Variants in AGBL1 observed in about 807,000 individuals in gnomAD.
AGBL1 encodes the protein AGBL carboxypeptidase 1.
Under a neutral mutation model 118.9 loss-of-function variants are expected in AGBL1, and 130 were observed. The ratio of observed to expected loss-of-function variants is 1.09; its 90% confidence interval spans 0.95 to 1.26. The LOEUF (loss-of-function observed/expected upper bound fraction) is 1.26, where lower values mean the gene tolerates loss of function less well. Ranked by LOEUF, AGBL1 falls within the 50% of genes most tolerant of loss-of-function variation. The pLI, the probability that AGBL1 is intolerant of heterozygous loss-of-function variation, is 0.00. For synonymous variants in AGBL1, 555 were observed against 478.9 expected, an observed-to-expected ratio of 1.16 and a Z score of -2.08; for missense variants, 1,584 against 1,298.1, an observed-to-expected ratio of 1.22 and a Z score of -3.38.
chr15:86,294,693 A>AT lies in AGBL1; in HGVS notation c.2221-553dup, dbSNP rs200163690. ...CATGTTCTATTTTCATGATAACCAC[A>AT]TTTTTTTTTAATTTTAAGGAAGGCA... is the stretch of plus-strand genomic sequence containing the variant. On this transcript the variant is annotated intron_variant, in intron 16 of 22. Coordinates refer to ENST00000614907, the MANE Select transcript of AGBL1 (RefSeq NM_001386094.1). Among the ~76,000 whole-genome samples the AT allele has an allele frequency of 6.0e-3, 900 of 150,290 alleles. 5 individuals are homozygous for AT. The highest frequency in any genetic ancestry group is 0.019 in the African/African-American group (759 of 40,950).
At chr15:86,272,910 G>A (rs114047077) in intron 15 of AGBL1, among the ~76,000 whole-genome samples, 3,599 of 152,158 alleles carry the variant, frequency 0.024, 143 homozygotes, top group African/African-American at 0.083. Flanking sequence ...GACTCTTAGG[G>A]CCTTTCCTAC....
intron 21 of AGBL1, among the ~76,000 whole-genome samples, chr15:86,667,080 C>T (rs1196589115): frequency 6.6e-6 from 1 of 152,086 alleles, no homozygotes; most frequent in Admixed American, 6.6e-5. Context: ...ATGTTAACAT[C>T]TATACTAGCA....
intron 17 of AGBL1, among the ~76,000 whole-genome samples, chr15:86,395,813 A>G (rs2081352552): frequency 6.6e-6 from 1 of 152,126 alleles, no homozygotes; most frequent in Non-Finnish European, 1.5e-5. Context: ...AGTGATGATA[A>G]TAACATAATT....
chr15:86,559,940 A>C (rs2083790663), intron 21 of AGBL1, among the ~76,000 whole-genome samples: 1 of 152,142 alleles, frequency 6.6e-6, no homozygotes. Flanking sequence ...CAGGTGAGCC[A>C]CTTAACCTCT....
At chr15:86,474,466 C>T (rs1277825516) in intron 18 of AGBL1, among the ~76,000 whole-genome samples, 6 of 152,206 alleles carry the variant, frequency 3.9e-5, no homozygotes, top group Non-Finnish European at 7.3e-5. Flanking sequence ...ACCCACGGAG[C>T]CTCACTCATT....
intron 21 of AGBL1, among the ~76,000 whole-genome samples, chr15:86,649,776 TG>T (rs1348878095): frequency 6.6e-6 from 1 of 150,888 alleles, no homozygotes; most frequent in African/African-American, 2.4e-5. Context: ...TTTTTTTTGG[TG>T]GGGGGCTTAT....
chr15:86,990,239 A>T (rs1185777037), intron 24 of AGBL1, among the ~76,000 whole-genome samples: 1 of 152,110 alleles, frequency 6.6e-6, no homozygotes, highest in African/African-American at 2.4e-5. Context: ...TTGGGGCCGG[A>T]CGCCATAGCT....
At chr15:86,769,070 A>G (rs1308878298) in intron 22 of AGBL1, among the ~76,000 whole-genome samples, 4 of 151,856 alleles carry the variant, frequency 2.6e-5, no homozygotes, top group African/African-American at 7.2e-5. Context: ...CCAGTGTCCA[A>G]TCCTTGGATC....
intron 18 of AGBL1, among the ~76,000 whole-genome samples, chr15:86,500,486 T>G (rs1170819189): frequency 6.7e-6 from 1 of 150,334 alleles, no homozygotes; most frequent in Non-Finnish European, 1.5e-5. Context: ...TTTCATAATG[T>G]TTGCAATTAC....
rs1230869029 is a variant in AGBL1 at position 86,279,629 on chromosome 15, C to T, written c.2076-10C>T. Reference sequence around the variant, plus strand: ...CCTTATTCTCTTCTCTTCTCCTCCTCTCTCTTTAGAAATCATTATCGCCAG... The same window carrying T: ...CCTTATTCTCTTCTCTTCTCCTCCTTTCTCTTTAGAAATCATTATCGCCAG... On this transcript the variant is annotated splice_polypyrimidine_tract_variant and intron_variant, in intron 15 of 22. Coordinates refer to ENST00000614907, the MANE Select transcript of AGBL1 (RefSeq NM_001386094.1). 1.2e-6 allele frequency: 2 copies of T among 1,612,714 alleles called. No individual in the cohort carries two copies. The highest frequency in any genetic ancestry group is 1.7e-6 in the Non-Finnish European group (2 of 1,178,878).
intron 22 of AGBL1, among the ~76,000 whole-genome samples, chr15:86,678,067 T>C (rs2085881635): frequency 2.0e-5 from 3 of 152,182 alleles, no homozygotes; most frequent in South Asian, 4.1e-4. Context: ...CCCATATACA[T>C]TGTGGAATGG....
intron 5 of AGBL1, among the ~76,000 whole-genome samples, chr15:86,159,447 T>C (rs1213475456): frequency 6.6e-6 from 1 of 152,162 alleles, no homozygotes; most frequent in African/African-American, 2.4e-5. Flanking sequence ...AGACATTTCA[T>C]AAATGACAGG....
chr15:86,270,087 AG>A lies in AGBL1; in HGVS notation c.1987+24del, dbSNP rs1157892419. On this transcript the variant is annotated intron_variant, in intron 14 of 22. Transcript: ENST00000614907. ...ATTATGGTATGAACGCTTGGGGAGCAGGGGCTTTCTGGAACATGCCAGGAAT... is the reference window on the plus strand; with the variant it reads ...ATTATGGTATGAACGCTTGGGGAGCAGGGCTTTCTGGAACATGCCAGGAAT... 1.2e-6 allele frequency: 2 copies of A among 1,601,084 alleles called. No homozygotes were observed. Among genetic ancestry groups the A allele is most frequent in the Admixed American group, 1.7e-5 (1 of 58,026 alleles).
chr15:86,636,136 G>T (rs1028940610), intron 21 of AGBL1, among the ~76,000 whole-genome samples: 1 of 152,126 alleles, frequency 6.6e-6, no homozygotes, highest in Non-Finnish European at 1.5e-5. Flanking sequence ...ATGATGGAGG[G>T]GACTGGAAAA....
At chr15:86,461,766 C>G (rs946533976) in intron 18 of AGBL1, among the ~76,000 whole-genome samples, 1 of 152,100 alleles carries the variant, frequency 6.6e-6, no homozygotes, top group Non-Finnish European at 1.5e-5. Context: ...ATCTTTTACT[C>G]TATGGTACCC....
intron 18 of AGBL1, among the ~76,000 whole-genome samples, chr15:86,495,399 T>TAAAA (rs144325939): frequency 4.1e-5 from 6 of 147,018 alleles, no homozygotes; most frequent in Admixed American, 1.4e-4. Flanking sequence ...ATCTTTTTTT[T>TAAAA]AAAAAAAAAA....
Position 86,682,681 on chromosome 15 carries a change from C to A in AGBL1, c.3158+8245C>A, listed in dbSNP as rs561587801. 1.3e-4 allele frequency among the ~76,000 whole-genome samples: 20 copies of A among 152,124 alleles called. No homozygotes were observed. The East Asian group carries it at 3.3e-3, about 25-fold the overall frequency. On this transcript the variant is annotated intron_variant, in intron 22 of 22. Transcript: ENST00000614907. ...ACTTATTTCTCCACAAAATTTTAAACAACTCAAATTCTTAGCAGTAAAAAA... is the reference window on the plus strand; with the variant it reads ...ACTTATTTCTCCACAAAATTTTAAAAAACTCAAATTCTTAGCAGTAAAAAA...
chr15:86,295,361 T>C lies in AGBL1; in HGVS notation c.2327T>C (p.Ile776Thr), dbSNP rs778201901. The change falls in exon 17 of 23, where the codon ATC becomes ACC. Residue 776 changes from isoleucine (I) to threonine (T), a missense_variant. Physicochemically the swap from Ile to Thr is moderately conservative, Grantham distance 89. Coordinates refer to ENST00000614907, the MANE Select transcript of AGBL1 (RefSeq NM_001386094.1). Reference protein sequence around the residue: ...LGGNPCPLVTITAMPESNSDE... With the variant: ...LGGNPCPLVTTTAMPESNSDE... Reference sequence around the variant, plus strand: ...GGGAATCCGTGTCCCTTGGTGACCATCACGGCCATGCCTGAGTCCAACAGT... The same window carrying C: ...GGGAATCCGTGTCCCTTGGTGACCACCACGGCCATGCCTGAGTCCAACAGT... The C allele has an allele frequency of 1.9e-6, 3 of 1,610,640 alleles. No homozygotes were observed. The highest frequency in any genetic ancestry group is 1.7e-4 in the Middle Eastern group (1 of 6,032).
chr15:86,381,423 G>A (rs2081112151), intron 17 of AGBL1, among the ~76,000 whole-genome samples: 2 of 149,782 alleles, frequency 1.3e-5, no homozygotes, highest in African/African-American at 5.0e-5. Flanking sequence ...TTTTTTTTCA[G>A]GTCTCAAATA....
Sources: gnomAD v4.1 joint callset for allele counts (sites outside exome capture counted in the v4.1 genomes callset) on GRCh38, gnomAD v4.1.1 for gene constraint, MANE v1.5 for transcripts, NCBI Gene and HGNC (gene_info 2026-07-23, HGNC 2026-07-21) for gene names.